Variants in WDPCP observed in about 807,000 individuals in gnomAD.
The protein encoded by WDPCP is WD repeat-containing and planar cell polarity effector protein fritz homolog.
In WDPCP, 71 loss-of-function variants were observed where a neutral mutation model predicts 93.1. The observed-to-expected ratio is 0.76, with a 90% confidence interval of 0.63 to 0.93. WDPCP has a LOEUF of 0.93. Among genes scored for constraint, WDPCP ranks in the 40% least tolerant of loss-of-function variants. WDPCP has a pLI of 0.00. For synonymous variants in WDPCP, 315 were observed against 315.0 expected (o/e 1.00, Z 0.00); for missense variants, 844 against 887.4 (o/e 0.95, Z 0.62).
intron 1 of WDPCP, among the ~76,000 whole-genome samples, chr2:63,498,614 T>A (rs984272026): frequency 6.6e-6 from 1 of 152,198 alleles, no homozygotes; most frequent in Non-Finnish European, 1.5e-5. Context: ...GAAAAATAAA[T>A]GTTTTAGAAG....
chr2:63,749,518 T>A (rs1669848240), intron 2 of WDPCP, among the ~76,000 whole-genome samples: 1 of 152,092 alleles, frequency 6.6e-6, no homozygotes, highest in Admixed American at 6.6e-5. Flanking sequence ...ATACACGAGT[T>A]AATAAATTAC....
intron 1 of WDPCP, among the ~76,000 whole-genome samples, chr2:63,531,894 C>G (rs10166750): frequency 6.6e-6 from 1 of 151,984 alleles, no homozygotes; most frequent in Non-Finnish European, 1.5e-5. Flanking sequence ...CTCAGAAGAT[C>G]GGTAATAACA....
intron 16 of WDPCP, 132 bp downstream of exon 16, chr2:63,153,363 G>A (rs749278661): frequency 8.2e-6 from 5 of 609,516 alleles, no homozygotes; most frequent in African/African-American, 3.8e-5. Context: ...TTATATCAAT[G>A]ACAAGCAGTC....
chr2:63,641,064 T>C (rs896600858), intron 3 of WDPCP, among the ~76,000 whole-genome samples: 1 of 152,192 alleles, frequency 6.6e-6, no homozygotes, highest in African/African-American at 2.4e-5. Flanking sequence ...AATGAGAACA[T>C]GGGATGGTTG....
intron 14 of WDPCP, among the ~76,000 whole-genome samples, chr2:63,221,684 C>T (rs1677847055): frequency 6.6e-6 from 1 of 152,154 alleles, no homozygotes; most frequent in South Asian, 2.1e-4. Context: ...TAGATAACTT[C>T]CCCTCCATTT....
In WDPCP at chr2:63,404,478, T is replaced by A; in HGVS notation, c.1005A>T (p.Pro335=). 1 of 1,614,114 alleles carries A rather than the reference T, an allele frequency of 6.2e-7. No homozygotes were observed. The highest frequency in any genetic ancestry group is 8.5e-7 in the Non-Finnish European group (1 of 1,180,014). The stretch of plus-strand genomic sequence containing the variant: ...AGCAGCTGATGGCCTTTGACTTTAG[T>A]GGTATTCTGGTGACTGACACACACT... ...KIQCVSVTRI[P]LKSKAISCCR... Residue 335 remains proline (P), a synonymous_variant, in exon 10 of 18, where the codon CCA becomes CCT. Transcript: ENST00000272321.
At position 63,786,101 on chromosome 2, in the gene WDPCP, G is replaced by A. The variant is rs559576227; in HGVS notation, n.308+27521C>T. 4.6e-5 allele frequency among the ~76,000 whole-genome samples: 7 copies of A among 152,144 alleles called. No homozygotes were observed. In the East Asian group the frequency reaches 9.7e-4, roughly 21 times the overall value. On this transcript the variant is annotated intron_variant and non_coding_transcript_variant, in intron 2 of 4. Coordinates refer to the WDPCP transcript ENST00000467687. ...GTTGCCTAGGCTGGAGTGCAGTGGC[G>A]CAATCACAGCTCACTGCAACCTCTG...
chr2:63,131,622 T>C (rs1303983095), intron 17 of WDPCP, among the ~76,000 whole-genome samples: 11 of 152,276 alleles, frequency 7.2e-5, no homozygotes, highest in Non-Finnish European at 2.9e-5. Context: ...TAACACAGGA[T>C]TCTATAGTTG....
At chr2:63,298,986 TGAG>T (rs906537062) in intron 13 of WDPCP, among the ~76,000 whole-genome samples, 8 of 152,282 alleles carry the variant, frequency 5.3e-5, no homozygotes, top group Non-Finnish European at 1.2e-4. Context: ...GGCACTTCCT[TGAG>T]GAGGAGAATG....
At chr2:63,399,529 C>A (rs983845293) in intron 10 of WDPCP, among the ~76,000 whole-genome samples, 1 of 137,274 alleles carries the variant, frequency 7.3e-6, no homozygotes, top group Admixed American at 8.8e-5. Context: ...GGGCAGAAAG[C>A]CTTCTGTTTG....
At chr2:63,691,302 C>T (rs77197811) in intron 2 of WDPCP, among the ~76,000 whole-genome samples, 1 of 152,170 alleles carries the variant, frequency 6.6e-6, no homozygotes, top group Non-Finnish European at 1.5e-5. Flanking sequence ...TATATAAGGA[C>T]GCCTCCCCTG....
intron 1 of WDPCP, among the ~76,000 whole-genome samples, chr2:63,821,212 AGAG>A (rs1264332033): frequency 1.3e-5 from 2 of 152,064 alleles, no homozygotes; most frequent in Non-Finnish European, 2.9e-5. Context: ...TCTAGTCCCT[AGAG>A]GAGGAGGTGA....
chr2:63,330,366 C>T (rs1687888156), intron 12 of WDPCP, among the ~76,000 whole-genome samples: 1 of 152,148 alleles, frequency 6.6e-6, no homozygotes, highest in Non-Finnish European at 1.5e-5. Context: ...ACCTGTTGGA[C>T]ATTTGTGTAT....
intron 2 of WDPCP, among the ~76,000 whole-genome samples, chr2:63,761,288 A>ATCCG (rs369875209): frequency 6.6e-6 from 1 of 152,274 alleles, no homozygotes; most frequent in East Asian, 1.9e-4. Flanking sequence ...GGGATGACAC[A>ATCCG]GCAAGAAGGT....
chr2:63,659,570 GC>G (rs1354525931), intron 2 of WDPCP, among the ~76,000 whole-genome samples: 1 of 152,126 alleles, frequency 6.6e-6, no homozygotes, highest in East Asian at 1.9e-4. Context: ...ACCAAAAAAG[GC>G]CTATACACAC....
chr2:63,173,549 G>A (rs1025943546), intron 15 of WDPCP, among the ~76,000 whole-genome samples: 2 of 152,186 alleles, frequency 1.3e-5, no homozygotes, highest in African/African-American at 4.8e-5. Flanking sequence ...AATTAGTTTG[G>A]GGATGGGCAG....
intron 13 of WDPCP, among the ~76,000 whole-genome samples, chr2:63,292,848 T>G (rs139335945): frequency 3.3e-5 from 5 of 152,358 alleles, no homozygotes; most frequent in African/African-American, 1.2e-4. Context: ...TTGCAACTTT[T>G]AGGGAAAGGC....
intron 9 of WDPCP, among the ~76,000 whole-genome samples, chr2:63,417,926 A>G (rs1279035878): frequency 6.6e-6 from 1 of 151,908 alleles, no homozygotes; most frequent in Non-Finnish European, 1.5e-5. Context: ...ATAGAAGAAA[A>G]TTCATTCAGT....
chr2:63,603,455 A>C (rs1384616433), intron 3 of WDPCP, among the ~76,000 whole-genome samples: 1 of 152,164 alleles, frequency 6.6e-6, no homozygotes, highest in Non-Finnish European at 1.5e-5. Flanking sequence ...ACACAGAGGA[A>C]GGAAGAATTG....
Sources: allele counts gnomAD v4.1 joint callset (sites outside exome capture counted in the v4.1 genomes callset), GRCh38; gene constraint gnomAD v4.1.1; transcripts MANE v1.5; gene names NCBI Gene and HGNC (gene_info 2026-07-23, HGNC 2026-07-21).